UTRN: variants seen among roughly 807,000 people sequenced by gnomAD.
The protein encoded by UTRN is dystrophin-related protein 1.
A neutral mutation model predicts 463.9 loss-of-function variants in UTRN; 283 were observed. The observed-to-expected ratio is 0.61, with a 90% confidence interval of 0.55 to 0.67. The LOEUF is 0.67. Ranked by LOEUF, UTRN falls within the 30% of genes least tolerant of loss-of-function variation. The probability of loss-of-function intolerance (pLI) is 0.00; values close to 1 mark genes in which losing one functional copy is unlikely to be tolerated. For synonymous variants in UTRN, 1,442 were observed against 1,431.5 expected, an observed-to-expected ratio of 1.01 and a Z score of -0.17; for missense variants, 3,922 against 4,084.3, an observed-to-expected ratio of 0.96 and a Z score of 1.08.
intron 54 of UTRN, among the ~76,000 whole-genome samples, chr6:144,746,482 A>T (rs1790760172): frequency 6.6e-6 from 1 of 151,082 alleles, no homozygotes; most frequent in African/African-American, 2.4e-5. Flanking sequence ...TTATTTTTTT[A>T]TTTTTATTTT....
chr6:144,639,624 ATTGT>A (rs1777555142), intron 51 of UTRN, among the ~76,000 whole-genome samples: 1 of 151,744 alleles, frequency 6.6e-6, no homozygotes. Flanking sequence ...TCTTGAATAC[ATTGT>A]TTCTCTTCCT....
intron 46 of UTRN, among the ~76,000 whole-genome samples, chr6:144,545,439 C>G (rs1218492598): frequency 6.6e-6 from 1 of 152,220 alleles, no homozygotes; most frequent in Non-Finnish European, 1.5e-5. Flanking sequence ...TTTCTTACTA[C>G]TTTTCCCTTT....
At chr6:144,291,599 T>C (rs1351894959) in intron 1 of UTRN, 138 bp from the exon 2 acceptor site, 2 of 360,456 alleles carry the variant, frequency 5.5e-6, no homozygotes, top group Non-Finnish European at 1.0e-5. Flanking sequence ...TTCATAGTCA[T>C]AACACCATTG....
intron 65 of UTRN, among the ~76,000 whole-genome samples, chr6:144,804,488 T>A (rs1219968064): frequency 2.0e-5 from 3 of 152,210 alleles, no homozygotes; most frequent in Non-Finnish European, 4.4e-5. Flanking sequence ...CAGATTTTAA[T>A]CAATAATATA....
At chr6:144,450,089 C>T (rs964697551) in intron 17 of UTRN, among the ~76,000 whole-genome samples, 3 of 152,160 alleles carry the variant, frequency 2.0e-5, no homozygotes, top group African/African-American at 4.8e-5. Flanking sequence ...CCTGTCCTTT[C>T]GTCTTCCTTC....
intron 65 of UTRN, among the ~76,000 whole-genome samples, chr6:144,809,866 A>C (rs1586663711): frequency 6.6e-6 from 1 of 152,254 alleles, no homozygotes; most frequent in South Asian, 2.1e-4. Context: ...TTAGTTTCAT[A>C]GTTGAGGCTC....
chr6:144,431,708 T>G (rs1339414577), intron 9 of UTRN, among the ~76,000 whole-genome samples: 1 of 152,244 alleles, frequency 6.6e-6, no homozygotes, highest in African/African-American at 2.4e-5. Flanking sequence ...TTCCTGGTTC[T>G]TAGAAATTCT....
intron 50 of UTRN, among the ~76,000 whole-genome samples, chr6:144,557,568 A>G (rs1799501782): frequency 6.6e-6 from 1 of 151,998 alleles, no homozygotes; most frequent in Non-Finnish European, 1.5e-5. Context: ...GCCAATGATT[A>G]TGTGTTCTGA....
chr6:144,804,646 G>A (rs1318418651), intron 65 of UTRN, among the ~76,000 whole-genome samples: 2 of 152,166 alleles, frequency 1.3e-5, no homozygotes, highest in East Asian at 3.9e-4. Context: ...CATCAGACCA[G>A]CTGTGTCTGT....
intron 25 of UTRN, 110 bp from the exon 26 acceptor site, chr6:144,479,702 T>G: frequency 1.6e-6 from 2 of 1,254,212 alleles, no homozygotes; most frequent in Non-Finnish European, 2.2e-6. Context: ...TTTTAAAGCA[T>G]GCAATTCGTT....
At chr6:144,443,021 C>T (rs778324147) in intron 13 of UTRN, among the ~76,000 whole-genome samples, 11 of 152,134 alleles carry the variant, frequency 7.2e-5, no homozygotes, top group South Asian at 2.1e-4. Flanking sequence ...TCAGTGTTTT[C>T]GGTAGATTAA....
At position 144,488,669 on chromosome 6, in the gene UTRN, G is replaced by T. The variant is rs766621497; in HGVS notation, c.3973-4G>T. ...ACTAATGATTCAATTTCTCCTTTGT[G>T]CAGGCAGAGAGCAAGCAGATTTCTT... On this transcript the variant is annotated splice_polypyrimidine_tract_variant and splice_region_variant and intron_variant, in intron 29 of 74. Coordinates refer to ENST00000367545, the MANE Select transcript of UTRN (RefSeq NM_007124.3). The T allele has an allele frequency of 3.7e-6, 6 of 1,610,706 alleles. No homozygotes were observed. The highest frequency in any genetic ancestry group is 3.4e-5 in the Admixed American group (2 of 59,680).
chr6:144,421,513 C>A (rs1784826930), intron 3 of UTRN, among the ~76,000 whole-genome samples: 2 of 151,730 alleles, frequency 1.3e-5, no homozygotes, highest in South Asian at 4.2e-4. Flanking sequence ...CATGGTGAAA[C>A]CCCATCTCTA....
intron 11 of UTRN, 80 bp downstream of exon 11, chr6:144,437,826 G>A (rs1005733170): frequency 1.1e-5 from 15 of 1,391,642 alleles, no homozygotes; most frequent in Non-Finnish European, 1.2e-5. Flanking sequence ...CTGCATGTCT[G>A]TGAAAGCGAG....
At chr6:144,819,797 G>A (rs1462678250) in intron 65 of UTRN, among the ~76,000 whole-genome samples, 2 of 152,024 alleles carry the variant, frequency 1.3e-5, no homozygotes, top group Non-Finnish European at 2.9e-5. Context: ...GCAGGCAGCA[G>A]GTAAGCAAAT....
chr6:144,520,893 TACGTAGC>T (rs1172929952), intron 39 of UTRN, among the ~76,000 whole-genome samples: 1 of 152,184 alleles, frequency 6.6e-6, no homozygotes, highest in East Asian at 1.9e-4. Flanking sequence ...CAAGTGGTAA[TACGTAGC>T]ACTTATTAAA....
chr6:144,336,661 C>T (rs1427598939), intron 2 of UTRN, among the ~76,000 whole-genome samples: 1 of 152,120 alleles, frequency 6.6e-6, no homozygotes, highest in Non-Finnish European at 1.5e-5. Flanking sequence ...CAGCAGGTTG[C>T]CACCTGATTT....
At chr6:144,588,992 T>G (rs1423604400) in intron 51 of UTRN, among the ~76,000 whole-genome samples, 5 of 152,196 alleles carry the variant, frequency 3.3e-5, no homozygotes, top group African/African-American at 1.2e-4. Context: ...TTTTTCATCT[T>G]CTAGTTTGTT....
At chr6:144,717,636 T>C (rs1419853962) in intron 53 of UTRN, among the ~76,000 whole-genome samples, 3 of 136,940 alleles carry the variant, frequency 2.2e-5, no homozygotes, top group Admixed American at 7.2e-5. Flanking sequence ...TCTTTTTTCT[T>C]TTTTTTTTTT....
Sources: allele counts gnomAD v4.1 joint callset (sites outside exome capture counted in the v4.1 genomes callset), GRCh38; gene constraint gnomAD v4.1.1; transcripts MANE v1.5; gene names NCBI Gene and HGNC (gene_info 2026-07-23, HGNC 2026-07-21).